Variants in SH3RF3 observed in about 807,000 individuals in gnomAD.
SH3RF3 encodes the protein E3 ubiquitin-protein ligase SH3RF3.
SH3RF3 carries 29 observed loss-of-function variants against 66.3 expected under a neutral mutation model. The observed-to-expected ratio is 0.44, with a 90% CI of 0.33 to 0.60. SH3RF3 has a LOEUF of 0.60. Ranked by LOEUF, SH3RF3 falls within the 20% of genes least tolerant of loss-of-function variation. The probability of loss-of-function intolerance (pLI) is 0.04; values close to 1 mark genes in which losing one functional copy is unlikely to be tolerated. For missense variants in SH3RF3, 1,194 were observed against 1,190.9 expected (o/e 1.00, Z -0.04); for synonymous variants, 583 against 532.0 (o/e 1.10, Z -1.32).
rs1306441049 is a variant in SH3RF3 at position 109,398,944 on chromosome 2, G to C, written c.1299+1G>C. 1 of 1,608,662 alleles carries C rather than the reference G, an allele frequency of 6.2e-7. No individual in the cohort carries two copies. ...TCTGTCGTGCGCTGCTCCCACCCAGGTAACATCCCGCGGGCCAGGGCAGGC... is the reference window on the plus strand; with the variant it reads ...TCTGTCGTGCGCTGCTCCCACCCAGCTAACATCCCGCGGGCCAGGGCAGGC... On this transcript the variant is annotated splice_donor_variant, in intron 4 of 9. Coordinates refer to ENST00000309415, the MANE Select transcript of SH3RF3 (RefSeq NM_001099289.3). LOFTEE classifies it high-confidence loss of function.
intron 7 of SH3RF3, among the ~76,000 whole-genome samples, chr2:109,444,050 C>A (rs1267007182): frequency 6.6e-6 from 1 of 152,260 alleles, no homozygotes; most frequent in Non-Finnish European, 1.5e-5. Flanking sequence ...ACTACATTCC[C>A]TGACCACAGT....
chr2:109,244,370 C>T (rs986820824), intron 1 of SH3RF3, among the ~76,000 whole-genome samples: 1 of 152,092 alleles, frequency 6.6e-6, no homozygotes, highest in Non-Finnish European at 1.5e-5. Context: ...AATATATAAA[C>T]CTCAGGTGGT....
At position 109,139,396 on chromosome 2, in the gene SH3RF3, C is replaced by T. The variant is rs530162941; in HGVS notation, c.573+9283C>T. 3.3e-4 allele frequency among the ~76,000 whole-genome samples: 50 copies of T among 151,982 alleles called. No homozygotes were observed. The Middle Eastern group carries it at 0.01, about 31-fold the overall frequency. On this transcript the variant is annotated intron_variant, in intron 1 of 9. Transcript: ENST00000309415. Reference sequence around the variant, plus strand: ...GTCTGGACCAAGTTTGTAGTCTAAACATGTGCAGTATGAAAGGTGAATGCT... The same window carrying T: ...GTCTGGACCAAGTTTGTAGTCTAAATATGTGCAGTATGAAAGGTGAATGCT...
At chr2:109,188,188 C>G (rs1020566569) in intron 1 of SH3RF3, among the ~76,000 whole-genome samples, 3 of 152,262 alleles carry the variant, frequency 2.0e-5, no homozygotes, top group Non-Finnish European at 2.9e-5. Context: ...ACCTTGCTCC[C>G]TGGGCCCGAA....
chr2:109,491,013 G>C lies in SH3RF3; in HGVS notation c.2480+77G>C. 2.3e-6 allele frequency: 3 copies of C among 1,306,726 alleles called. No individual in the cohort carries two copies. In the South Asian group the frequency reaches 5.6e-5, roughly 24 times the overall value. The allele number at this position is 1,306,726 out of a possible 1,614,324, so 80.9% of individuals were successfully genotyped here. A position where few individuals can be genotyped will look rare whatever the true frequency, so the allele number is the denominator to read the frequency against. On this transcript the variant is annotated intron_variant, in intron 9 of 9. Transcript: ENST00000309415. Reference sequence around the variant, plus strand: ...GGTCTGGAGCCACCTTCGGGGAGCAGGGACACTGTGGCCTTGCTGGGATTA... The same window carrying C: ...GGTCTGGAGCCACCTTCGGGGAGCACGGACACTGTGGCCTTGCTGGGATTA...
Position 109,466,072 on chromosome 2 carries a change from C to CTTTTTTTTTTTTTTT in SH3RF3, c.2148+16594_2148+16608dup, listed in dbSNP as rs1171998206. Reference sequence around the variant, plus strand: ...ATATGCTTATCTGCTACCTGTACATCTTTTTTTTTTTTTTTTTTTTTTTTT... The same window carrying CTTTTTTTTTTTTTTT: ...ATATGCTTATCTGCTACCTGTACATCTTTTTTTTTTTTTTTTTTTTTTTTTTTTTTTTTTTTTTTT... On this transcript the variant is annotated intron_variant, in intron 8 of 9. Coordinates refer to ENST00000309415, the MANE Select transcript of SH3RF3 (RefSeq NM_001099289.3). Among the ~76,000 whole-genome samples, 15 of 82,334 alleles carry CTTTTTTTTTTTTTTT rather than the reference C, an allele frequency of 1.8e-4. 1 individual carries two copies. Among genetic ancestry groups the CTTTTTTTTTTTTTTT allele is most frequent in the East Asian group, 4.5e-4 (1 of 2,226 alleles). 54.0% of individuals were successfully genotyped at this position (82,334 alleles called of 152,430 possible). A position where few individuals can be genotyped will look rare whatever the true frequency, so the allele number is the denominator to read the frequency against.
intron 2 of SH3RF3, among the ~76,000 whole-genome samples, chr2:109,353,926 A>G (rs762010017): frequency 6.6e-6 from 1 of 152,062 alleles, no homozygotes; most frequent in Non-Finnish European, 1.5e-5. Flanking sequence ...GAGTTCAGAT[A>G]CGTGAACACG....
intron 1 of SH3RF3, among the ~76,000 whole-genome samples, chr2:109,202,612 G>A (rs988200105): frequency 6.6e-6 from 1 of 152,150 alleles, no homozygotes; most frequent in African/African-American, 2.4e-5. Flanking sequence ...AGAGCATAGA[G>A]GGTGAGGCGT....
chr2:109,321,187 A>C (rs1471261804), intron 1 of SH3RF3, among the ~76,000 whole-genome samples: 1 of 152,258 alleles, frequency 6.6e-6, no homozygotes, highest in African/African-American at 2.4e-5. Context: ...AGCTCTTCAC[A>C]TTCTTTGAGG....
At chr2:109,179,469 G>A (rs1471143181) in intron 1 of SH3RF3, among the ~76,000 whole-genome samples, 1 of 152,154 alleles carries the variant, frequency 6.6e-6, no homozygotes, top group East Asian at 1.9e-4. Flanking sequence ...TTGTCTTTGT[G>A]TGTTTTCTGT....
chr2:109,487,920 G>A (rs893166008), intron 8 of SH3RF3, among the ~76,000 whole-genome samples: 1 of 152,234 alleles, frequency 6.6e-6, no homozygotes, highest in Non-Finnish European at 1.5e-5. Context: ...CACGACCCCT[G>A]TACTTCCAAA....
At chr2:109,479,600 G>T (rs576436404) in intron 8 of SH3RF3, among the ~76,000 whole-genome samples, 1 of 152,176 alleles carries the variant, frequency 6.6e-6, no homozygotes, top group African/African-American at 2.4e-5. Context: ...AGGTGTGCCC[G>T]TACAGGACTG....
At chr2:109,306,972 G>A (rs1041168551) in intron 1 of SH3RF3, among the ~76,000 whole-genome samples, 2 of 152,196 alleles carry the variant, frequency 1.3e-5, no homozygotes, top group Non-Finnish European at 1.5e-5. Flanking sequence ...ATTGCTTGCC[G>A]CTTGGCATGA....
chr2:109,173,831 G>A (rs1008936174), intron 1 of SH3RF3, among the ~76,000 whole-genome samples: 6 of 152,202 alleles, frequency 3.9e-5, no homozygotes, highest in Admixed American at 6.5e-5. Context: ...GAACACTGCC[G>A]TCGTCCTTGG....
At chr2:109,172,206 T>C (rs1677800453) in intron 1 of SH3RF3, among the ~76,000 whole-genome samples, 1 of 152,218 alleles carries the variant, frequency 6.6e-6, no homozygotes, top group Admixed American at 6.5e-5. Context: ...ACCAGGGTCC[T>C]CTGGCAGCCA....
At chr2:109,345,471 AG>A (rs1682668736) in intron 1 of SH3RF3, among the ~76,000 whole-genome samples, 2 of 152,278 alleles carry the variant, frequency 1.3e-5, no homozygotes, top group South Asian at 4.1e-4. Flanking sequence ...CCGAGTCTGT[AG>A]CTCTTATAAC....
At chr2:109,286,648 T>C (rs1199451661) in intron 1 of SH3RF3, among the ~76,000 whole-genome samples, 1 of 152,212 alleles carries the variant, frequency 6.6e-6, no homozygotes, top group Admixed American at 6.5e-5. Flanking sequence ...CCAGGAGCTC[T>C]GAAGCAGGAA....
chr2:109,163,373 A>C (rs4676256), intron 1 of SH3RF3, among the ~76,000 whole-genome samples: 126,316 of 147,108 alleles, frequency 0.86, 54,387 homozygotes, highest in African/African-American at 0.91. Context: ...TCAATAGATT[A>C]ACCAAGAGCA....
At chr2:109,488,902 G>C (rs1211794926) in intron 8 of SH3RF3, among the ~76,000 whole-genome samples, 1 of 152,224 alleles carries the variant, frequency 6.6e-6, no homozygotes, top group East Asian at 1.9e-4. Context: ...AAGCCCAGTA[G>C]CGGAGTCAGG....
Sources: gnomAD v4.1 joint callset for allele counts (sites outside exome capture counted in the v4.1 genomes callset) on GRCh38, gnomAD v4.1.1 for gene constraint, MANE v1.5 for transcripts, NCBI Gene and HGNC (gene_info 2026-07-23, HGNC 2026-07-21) for gene names.